GRIN2B: variants seen among roughly 807,000 people sequenced by gnomAD.
GRIN2B encodes the protein glutamate receptor ionotropic, NMDA 2B.
GRIN2B carries 5 observed loss-of-function variants against 114.5 expected under a neutral mutation model. The ratio of observed to expected loss-of-function variants is 0.04; its 90% CI spans 0.02 to 0.09. The LOEUF is 0.09. GRIN2B is among the 10% of genes least tolerant of loss of function. The probability of loss-of-function intolerance (pLI) is 1.00; values close to 1 mark genes in which losing one functional copy is unlikely to be tolerated. For missense variants in GRIN2B, 1,108 were observed against 1,943.5 expected, an observed-to-expected ratio of 0.57 and a Z score of 8.08; for synonymous variants, 787 against 745.1, an observed-to-expected ratio of 1.06 and a Z score of -0.92.
chr12:13,790,610 T>C (rs2136664221), intron 3 of GRIN2B, among the ~76,000 whole-genome samples: 1 of 152,312 alleles, frequency 6.6e-6, no homozygotes, highest in South Asian at 2.1e-4. Context: ...TAATTGCATT[T>C]TATAATAGTC....
intron 10 of GRIN2B, among the ~76,000 whole-genome samples, chr12:13,604,724 A>G (rs1013218420): frequency 6.6e-6 from 1 of 152,176 alleles, no homozygotes; most frequent in Non-Finnish European, 1.5e-5. Flanking sequence ...TAGGTGTTAG[A>G]CTGTAAGTAA....
chr12:13,915,888 C>T (rs1452631722), intron 2 of GRIN2B, among the ~76,000 whole-genome samples: 1 of 151,984 alleles, frequency 6.6e-6, no homozygotes, highest in East Asian at 1.9e-4. Context: ...CACTCAATGG[C>T]TATTTCCAGT....
chr12:13,642,145 G>A (rs928254016), intron 5 of GRIN2B, among the ~76,000 whole-genome samples: 1 of 151,980 alleles, frequency 6.6e-6, no homozygotes, highest in African/African-American at 2.4e-5. Flanking sequence ...CCGAGATCAC[G>A]CCACTGCACT....
At chr12:13,819,712 G>A (rs1565549764) in intron 3 of GRIN2B, among the ~76,000 whole-genome samples, 1 of 152,168 alleles carries the variant, frequency 6.6e-6, no homozygotes, top group East Asian at 1.9e-4. Context: ...AGCACTGTAT[G>A]TCAGATTTTG....
chr12:13,699,214 A>G (rs1020841513), intron 4 of GRIN2B, among the ~76,000 whole-genome samples: 4 of 152,136 alleles, frequency 2.6e-5, no homozygotes, highest in Non-Finnish European at 5.9e-5. Context: ...TGTACGTATT[A>G]TATGCCTTGG....
intron 10 of GRIN2B, among the ~76,000 whole-genome samples, chr12:13,590,864 T>C (rs536638166): frequency 6.6e-6 from 1 of 152,184 alleles, no homozygotes; most frequent in African/African-American, 2.4e-5. Context: ...GGAATCATAG[T>C]TGAAGCTCAC....
At chr12:13,745,972 T>TA (rs78396402) in intron 4 of GRIN2B, among the ~76,000 whole-genome samples, 13,308 of 151,844 alleles carry the variant, frequency 0.088, 789 homozygotes, top group East Asian at 0.26. Context: ...ATACAAAGGT[T>TA]AAAAAAAACA....
chr12:13,615,286 G>A lies in GRIN2B; in HGVS notation c.1501-19C>T, dbSNP rs377609698. ...TGACCACCTAAAAGAAAGGCGCGAT[G>A]CTCCAATTAAAACATTCAGGAGGGC... is the stretch of plus-strand genomic sequence containing the variant. On this transcript the variant is annotated intron_variant, in intron 7 of 13. Coordinates refer to ENST00000609686, the MANE Select transcript of GRIN2B (RefSeq NM_000834.5). The surrounding 1 kb of genome is among the most constrained non-coding windows in gnomAD (Gnocchi z 5.8). 22 of 1,612,882 alleles carry A rather than the reference G, an allele frequency of 1.4e-5. No individual in the cohort carries two copies. The Admixed American group carries it at 2.3e-4, about 17-fold the overall frequency.
chr12:13,711,619 CA>C (rs1248871309), intron 4 of GRIN2B, among the ~76,000 whole-genome samples: 1 of 151,932 alleles, frequency 6.6e-6, no homozygotes, highest in Non-Finnish European at 1.5e-5. Flanking sequence ...CCAAAAGACA[CA>C]TGAAAAAATG....
At position 13,562,835 on chromosome 12, in the gene GRIN2B, G is replaced by C; in HGVS notation, c.4403C>G (p.Ser1468Cys). ...NNKNPRAFNG[S>C]SNGHVYEKLS... ...TTTCTCATAAACATGCCCATTGCTGGAGCCATTGAAAGCCCTGGGGTTTTT... is the reference window on the plus strand; with the variant it reads ...TTTCTCATAAACATGCCCATTGCTGCAGCCATTGAAAGCCCTGGGGTTTTT... Residue 1468 changes from serine to cysteine, a missense_variant, in exon 14 of 14, where the codon TCC becomes TGC. This residue lies in a region of GRIN2B where 478 missense variants were observed against 506.0 expected (regional missense o/e 0.94). Transcript: ENST00000609686. 3.1e-6 allele frequency: 5 copies of C among 1,614,116 alleles called. No individual in the cohort carries two copies. The highest frequency in any genetic ancestry group is 4.2e-6 in the Non-Finnish European group (5 of 1,179,956).
At chr12:13,667,371 C>G (rs4763356) in intron 5 of GRIN2B, among the ~76,000 whole-genome samples, 148,718 of 152,254 alleles carry the variant, frequency 0.98, 72,723 homozygotes, top group Middle Eastern at 1. Context: ...CCTGATTGTT[C>G]CAGAATCGAT....
At chr12:13,648,020 A>T (rs151233684) in intron 5 of GRIN2B, among the ~76,000 whole-genome samples, 2 of 152,064 alleles carry the variant, frequency 1.3e-5, no homozygotes, top group African/African-American at 4.8e-5. Flanking sequence ...CTGAAAATTC[A>T]TTGGTGAGGC....
intron 4 of GRIN2B, among the ~76,000 whole-genome samples, chr12:13,711,471 T>G (rs571340218): frequency 0.021 from 3,184 of 151,972 alleles, 121 homozygotes; most frequent in African/African-American, 0.073. Flanking sequence ...ATTTTTGCAA[T>G]CTACTCATCT....
chr12:13,779,721 C>T (rs1199795755), intron 3 of GRIN2B, among the ~76,000 whole-genome samples: 1 of 152,156 alleles, frequency 6.6e-6, no homozygotes, highest in Non-Finnish European at 1.5e-5. Flanking sequence ...CTAAATGTGG[C>T]TCATGGCTAC....
chr12:13,731,663 C>A (rs1863088035), intron 4 of GRIN2B, among the ~76,000 whole-genome samples: 1 of 152,088 alleles, frequency 6.6e-6, no homozygotes, highest in Non-Finnish European at 1.5e-5. Flanking sequence ...ACCATTTTGT[C>A]CCCTGTATTA....
At position 13,977,661 on chromosome 12, in the gene GRIN2B, C is replaced by T. The variant is rs555714600; in HGVS notation, c.-19+2267G>A. On this transcript the variant is annotated intron_variant, in intron 2 of 13. Transcript: ENST00000609686. ...AAAATAGAACCCAGTCAGCTCTGTG[C>T]TGTGAGGGGGAAAAAGGGGGCGAGA... is the stretch of plus-strand genomic sequence containing the variant. Among the ~76,000 whole-genome samples, 35 of 152,236 alleles carry T rather than the reference C, an allele frequency of 2.3e-4. No homozygotes were observed. In the South Asian group the frequency reaches 7.3e-3, roughly 32 times the overall value.
intron 3 of GRIN2B, among the ~76,000 whole-genome samples, chr12:13,768,893 G>C (rs528468488): frequency 3.9e-5 from 6 of 152,236 alleles, no homozygotes; most frequent in Admixed American, 3.3e-4. Context: ...AATTAGCCTG[G>C]CTTGGTGGCA....
At chr12:13,803,833 GC>G (rs1864557124) in intron 3 of GRIN2B, among the ~76,000 whole-genome samples, 1 of 152,174 alleles carries the variant, frequency 6.6e-6, no homozygotes, top group Non-Finnish European at 1.5e-5. Context: ...GTTACCCACA[GC>G]CAAGTCTGAG....
chr12:13,798,611 T>C (rs1297993644), intron 3 of GRIN2B, among the ~76,000 whole-genome samples: 1 of 152,248 alleles, frequency 6.6e-6, no homozygotes, highest in Non-Finnish European at 1.5e-5. Flanking sequence ...GGTTCCTCTC[T>C]TATATTGTAA....
Sources: gnomAD v4.1 joint callset for allele counts (sites outside exome capture counted in the v4.1 genomes callset) on GRCh38, gnomAD v4.1.1 for gene constraint, gnomAD v4.1.1 regional missense constraint, Gnocchi (gnomAD v3.1) non-coding constraint, MANE v1.5 for transcripts, NCBI Gene and HGNC (gene_info 2026-07-23, HGNC 2026-07-21) for gene names.